The following HS2ST1 variants were observed in gnomAD, a reference collection of about 807,000 sequenced individuals.
HS2ST1 encodes the protein 2-O-sulfotransferase.
HS2ST1 carries 18 observed loss-of-function variants against 42.9 expected under a neutral mutation model. The ratio of observed to expected loss-of-function variants is 0.42; its 90% CI spans 0.29 to 0.62. HS2ST1 has a LOEUF of 0.62. Ranked by LOEUF, HS2ST1 falls within the 20% of genes least tolerant of loss-of-function variation. The pLI, the probability that HS2ST1 is intolerant of heterozygous loss-of-function variation, is 0.21. For synonymous variants in HS2ST1, 146 were observed against 152.9 expected (o/e 0.95, Z 0.33); for missense variants, 334 against 433.8 (o/e 0.77, Z 2.04).
At chr1:87,080,206 C>G (rs1368273329) in intron 2 of HS2ST1, among the ~76,000 whole-genome samples, 5 of 152,080 alleles carry the variant, frequency 3.3e-5, no homozygotes, top group Admixed American at 3.3e-4. Context: ...TCAGCAATCC[C>G]AGTGGTTACC....
intron 1 of HS2ST1, among the ~76,000 whole-genome samples, chr1:86,917,999 T>TA (rs1198906974): frequency 2.0e-5 from 3 of 152,226 alleles, no homozygotes; most frequent in Non-Finnish European, 4.4e-5. Flanking sequence ...TATTTTGGCA[T>TA]AAAAAACCTA....
Position 86,915,051 on chromosome 1 carries a change from G to A in HS2ST1, c.15G>A (p.Arg5=). The A allele has an allele frequency of 6.2e-7, 1 of 1,614,208 alleles. No individual in the cohort carries two copies. Among genetic ancestry groups the A allele is most frequent in the Non-Finnish European group, 8.5e-7 (1 of 1,180,038 alleles). The part of the protein sequence containing the change: MGLL[R]IMMPPKLQLL... ...CAGCGGGTTTCATGGGGCTCCTCAG[G>A]ATTATGATGCCGCCCAAGTTGCAGC... Residue 5 remains arginine (R), a synonymous_variant, in exon 1 of 7, where the codon AGG becomes AGA. Coordinates refer to ENST00000370550, the MANE Select transcript of HS2ST1 (RefSeq NM_012262.4).
Position 87,072,988 on chromosome 1 carries a change from A to C in HS2ST1, c.179A>C (p.Asp60Ala). The C allele has an allele frequency of 3.1e-6, 5 of 1,614,108 alleles. No homozygotes were observed. Among genetic ancestry groups the C allele is most frequent in the Non-Finnish European group, 4.2e-6 (5 of 1,179,998 alleles). The change falls in exon 2 of 7, where the codon GAT (aspartate) becomes GCT (alanine). Residue 60 changes from aspartate (D) to alanine (A), a missense_variant. Physicochemically the swap from Asp to Ala is moderately radical, Grantham distance 126. Coordinates refer to ENST00000370550, the MANE Select transcript of HS2ST1 (RefSeq NM_012262.4). ...VREIEQRHTM[D>A]GPRQDATLDE... ...GAAATTGAGCAGCGACATACAATGG[A>C]TGGCCCTCGGCAAGATGCCACTTTA...
intron 1 of HS2ST1, among the ~76,000 whole-genome samples, chr1:87,025,255 C>G (rs541242531): frequency 5.3e-5 from 8 of 152,316 alleles, no homozygotes; most frequent in Admixed American, 5.2e-4. Context: ...GCGGCTGTTG[C>G]TACCTGTAAA....
Position 86,914,779 on chromosome 1 carries a change from C to A in HS2ST1, c.-258C>A. On this transcript the variant is annotated 5_prime_UTR_variant, in exon 1 of 7. Coordinates refer to ENST00000370550, the MANE Select transcript of HS2ST1 (RefSeq NM_012262.4). The stretch of plus-strand genomic sequence containing the variant: ...AGGCGAGAGCCCGGCAGCCGCTTCG[C>A]GCTGTTTGCTGCGCGGGCTTTTGGA... 1.9e-6 allele frequency: 1 copy of A among 522,088 alleles called. No homozygotes were observed. Among genetic ancestry groups the A allele is most frequent in the East Asian group, 3.6e-5 (1 of 28,008 alleles). 32.3% of individuals were successfully genotyped at this position (522,088 alleles called of 1,614,324 possible). A position where few individuals can be genotyped will look rare whatever the true frequency, so the allele number is the denominator to read the frequency against.
intron 1 of HS2ST1, chr1:86,956,490 C>CT (rs1175213878): frequency 6.6e-6 from 1 of 152,184 alleles, no homozygotes. Flanking sequence ...GTCACTATGG[C>CT]TGTAGAAAAA....
chr1:87,025,086 T>C (rs1265673010), intron 1 of HS2ST1, among the ~76,000 whole-genome samples: 1 of 152,208 alleles, frequency 6.6e-6, no homozygotes, highest in East Asian at 1.9e-4. Context: ...GAGAATTGGT[T>C]ACATAGGTGT....
intron 1 of HS2ST1, among the ~76,000 whole-genome samples, chr1:86,991,263 C>G (rs1019204860): frequency 6.6e-6 from 1 of 152,022 alleles, no homozygotes; most frequent in East Asian, 1.9e-4. Context: ...TTTAATTGAG[C>G]AAGGAATGAT....
At chr1:86,945,286 G>A (rs1313710083) in intron 1 of HS2ST1, among the ~76,000 whole-genome samples, 1 of 152,196 alleles carries the variant, frequency 6.6e-6, no homozygotes, top group Non-Finnish European at 1.5e-5. Context: ...TTGGGATATA[G>A]TAGGGGATAT....
At chr1:86,952,395 G>A (rs1233660047) in intron 1 of HS2ST1, among the ~76,000 whole-genome samples, 5 of 151,882 alleles carry the variant, frequency 3.3e-5, no homozygotes, top group African/African-American at 4.8e-5. Flanking sequence ...GTACCACCAC[G>A]CCCGGCAAAT....
Position 87,080,471 on chromosome 1 carries a change from A to G in HS2ST1, c.364-3723A>G, listed in dbSNP as rs111785518. ...ATAGAAGTTGAGATTTTCAGTGTCC[A>G]ATTTGTTAAAGCAGAATCATGATAT... On this transcript the variant is annotated intron_variant, in intron 2 of 6. Transcript: ENST00000370550. Among the ~76,000 whole-genome samples, 1,014 of 152,306 alleles carry G rather than the reference A, an allele frequency of 6.7e-3. 7 individuals carry two copies. Among genetic ancestry groups the G allele is most frequent in the Non-Finnish European group, 0.011 (716 of 68,022 alleles).
At position 87,092,133 on chromosome 1, in the gene HS2ST1, T is replaced by C. The variant is rs1276766921; in HGVS notation, c.450-398T>C. Among the ~76,000 whole-genome samples, 6 of 152,204 alleles carry C rather than the reference T, an allele frequency of 3.9e-5. No individual in the cohort carries two copies. In the South Asian group the frequency reaches 1.2e-3, roughly 31 times the overall value. On this transcript the variant is annotated intron_variant, in intron 3 of 6. Coordinates refer to ENST00000370550, the MANE Select transcript of HS2ST1 (RefSeq NM_012262.4). ...AATAAAGCAATTTTTAAAATAAGTT[T>C]GCTTAAAAATTATAAATATTAAATT...
At chr1:86,946,780 A>C (rs1016706497) in intron 1 of HS2ST1, among the ~76,000 whole-genome samples, 1 of 152,218 alleles carries the variant, frequency 6.6e-6, no homozygotes, top group Non-Finnish European at 1.5e-5. Context: ...GATGTGTACC[A>C]TAAAGCTATC....
At chr1:86,959,737 C>A (rs1375628356) in intron 1 of HS2ST1, among the ~76,000 whole-genome samples, 1 of 12,562 alleles carries the variant, frequency 8.0e-5, no homozygotes, top group African/African-American at 3.6e-4. Context: ...AGATATAAAT[C>A]TTGCAACATA....
intron 1 of HS2ST1, among the ~76,000 whole-genome samples, chr1:86,917,611 G>T (rs2783976): frequency 2.0e-3 from 307 of 152,088 alleles, no homozygotes; most frequent in African/African-American, 6.2e-3. Flanking sequence ...AGACCACATC[G>T]CATTTAAGTG....
chr1:87,101,155 T>G (rs1557546445), intron 5 of HS2ST1, among the ~76,000 whole-genome samples: 10 of 78,274 alleles, frequency 1.3e-4, no homozygotes, highest in African/African-American at 5.5e-4. Flanking sequence ...GTGTGTTTTT[T>G]GTTTTTTTTT....
intron 1 of HS2ST1, among the ~76,000 whole-genome samples, chr1:86,959,969 CTAGACTAGGCAACACAA>C (rs1241106954): frequency 6.6e-6 from 1 of 152,036 alleles, no homozygotes; most frequent in Non-Finnish European, 1.5e-5. Context: ...GGTCAGAGAC[CTAGACTAGGCAACACAA>C]TATTATAGGA....
intron 1 of HS2ST1, among the ~76,000 whole-genome samples, chr1:87,004,250 G>C (rs532546430): frequency 1.3e-5 from 2 of 152,158 alleles, no homozygotes; most frequent in South Asian, 4.1e-4. Flanking sequence ...AATTAGGTGG[G>C]CATGGTGGCA....
chr1:86,951,515 CTA>C (rs1200284185), intron 1 of HS2ST1, among the ~76,000 whole-genome samples: 2 of 150,586 alleles, frequency 1.3e-5, no homozygotes, highest in Non-Finnish European at 3.0e-5. Context: ...ATGCACATAT[CTA>C]AATTAAAATG....
Sources: allele counts gnomAD v4.1 joint callset (sites outside exome capture counted in the v4.1 genomes callset), GRCh38; gene constraint gnomAD v4.1.1; transcripts MANE v1.5; gene names NCBI Gene and HGNC (gene_info 2026-07-23, HGNC 2026-07-21).